Variants in NDUFA10 observed in about 807,000 individuals in gnomAD.
NDUFA10 encodes NADH:ubiquinone oxidoreductase subunit A10, also known as NADH dehydrogenase [ubiquinone] 1 alpha subcomplex subunit 10, mitochondrial.
Under a neutral mutation model 47.8 loss-of-function variants are expected in NDUFA10, and 40 were observed. The ratio of observed to expected loss-of-function variants is 0.84; its 90% CI spans 0.65 to 1.09. The LOEUF (loss-of-function observed/expected upper bound fraction) is 1.09. Among genes scored for constraint, NDUFA10 ranks in the 50% least tolerant of loss-of-function variants. NDUFA10 has a pLI of 0.00. For synonymous variants in NDUFA10, 183 were observed against 172.2 expected, an observed-to-expected ratio of 1.06 and a Z score of -0.49; for missense variants, 413 against 451.1, an observed-to-expected ratio of 0.92 and a Z score of 0.76.
At chr2:239,930,626 C>G (rs34026189) in intron 4 of NDUFA10, among the ~76,000 whole-genome samples, 20,112 of 151,922 alleles carry the variant, frequency 0.13, 1,408 homozygotes, top group South Asian at 0.15. Context: ...GTGGTGAGCA[C>G]CAGGAAGGAA....
chr2:239,949,130 G>A (rs1372691300), intron 4 of NDUFA10, among the ~76,000 whole-genome samples: 2 of 152,148 alleles, frequency 1.3e-5, no homozygotes. Flanking sequence ...GGATAGTGTC[G>A]GGATTTTAAG....
At position 240,017,717 on chromosome 2, in the gene NDUFA10, G is replaced by A. The variant is rs1292385404; in HGVS notation, c.547+836C>T. ...CAGCCCCTATCAGAAGCACGGGCTTGCAGTGCTCTTGCGGGCGGCAAGCTC... is the reference window on the plus strand; with the variant it reads ...CAGCCCCTATCAGAAGCACGGGCTTACAGTGCTCTTGCGGGCGGCAAGCTC... On this transcript the variant is annotated intron_variant, in intron 4 of 9. Transcript: ENST00000252711. 4 of 920,620 alleles carry A rather than the reference G, an allele frequency of 4.3e-6. No homozygotes were observed. In the Admixed American group the frequency reaches 8.1e-5, roughly 19 times the overall value. 57.0% of individuals were successfully genotyped at this position (920,620 alleles called of 1,614,324 possible).
intron 1 of NDUFA10, among the ~76,000 whole-genome samples, chr2:240,023,747 G>A (rs1296699179): frequency 6.6e-6 from 1 of 152,058 alleles, no homozygotes; most frequent in Non-Finnish European, 1.5e-5. Context: ...GATATTTTTC[G>A]ATCTTGATTT....
chr2:239,943,090 T>C (rs1477598891), intron 4 of NDUFA10: 2 of 154,450 alleles, frequency 1.3e-5, no homozygotes, highest in African/African-American at 4.8e-5. Flanking sequence ...TCTCAGGCCA[T>C]GCCCACAGGC....
In NDUFA10 at chr2:240,025,084, G is replaced by A. The variant is rs939243419; in HGVS notation, c.75+143C>T. 26 of 775,346 alleles carry A rather than the reference G, an allele frequency of 3.4e-5. No homozygotes were observed. The East Asian group carries it at 7.2e-4, about 22-fold the overall frequency. The allele number at this position is 775,346 out of a possible 1,614,324, so 48.0% of individuals were successfully genotyped here. On this transcript the variant is annotated intron_variant, in intron 1 of 9. Transcript: ENST00000252711. ...CACGACCAAAGACCAAACAATTCCG[G>A]AGGCAGGAGGGGTCCCCCAAACCCA...
intron 1 of NDUFA10, among the ~76,000 whole-genome samples, chr2:240,022,615 T>C (rs1217294533): frequency 2.6e-5 from 4 of 151,050 alleles, no homozygotes; most frequent in Non-Finnish European, 5.9e-5. Flanking sequence ...ATGTTTACTA[T>C]GTTCAATAAA....
At position 239,920,220 on chromosome 2, in the gene NDUFA10, G is replaced by A. The variant is rs941276334; in HGVS notation, c.295-24906C>T. On this transcript the variant is annotated intron_variant, in intron 4 of 5. Transcript: ENST00000419408. The stretch of plus-strand genomic sequence containing the variant: ...CGTGTGAGGGTTCAGCAGGAAGGTG[G>A]GGAGAGGGCCCTCCCCAGGAACAGA... Among the ~76,000 whole-genome samples, 3 of 152,330 alleles carry A rather than the reference G, an allele frequency of 2.0e-5. No homozygotes were observed. The East Asian group carries it at 5.8e-4, about 29-fold the overall frequency.
intron 4 of NDUFA10, among the ~76,000 whole-genome samples, chr2:239,913,332 A>G (rs1274976973): frequency 6.6e-6 from 1 of 152,172 alleles, no homozygotes; most frequent in Non-Finnish European, 1.5e-5. Context: ...TAGGCGCACC[A>G]CTTCCATCTT....
At chr2:239,919,281 T>C (rs1693927857) in intron 4 of NDUFA10, among the ~76,000 whole-genome samples, 1 of 152,156 alleles carries the variant, frequency 6.6e-6, no homozygotes, top group African/African-American at 2.4e-5. Flanking sequence ...TTTCTCCTGG[T>C]TTGTCTCATG....
At chr2:239,995,468 G>GA (rs1183205770) in intron 8 of NDUFA10, among the ~76,000 whole-genome samples, 2 of 152,114 alleles carry the variant, frequency 1.3e-5, no homozygotes, top group African/African-American at 4.8e-5. Context: ...GTACAATCAA[G>GA]ATGTTAAGGG....
At chr2:239,902,248 ATTG>A (rs1034111100) in intron 4 of NDUFA10, among the ~76,000 whole-genome samples, 2 of 152,216 alleles carry the variant, frequency 1.3e-5, no homozygotes, top group African/African-American at 4.8e-5. Flanking sequence ...AGCAAACTTC[ATTG>A]TTGTCTTATT....
At position 239,906,140 on chromosome 2, in the gene NDUFA10, G is replaced by T. The variant is rs759607402; in HGVS notation, c.295-10826C>A. On this transcript the variant is annotated intron_variant, in intron 4 of 5. Transcript: ENST00000419408. This position sits in a 1 kb window ranked among gnomAD's most constrained non-coding sequence, Gnocchi z 4.3. ...CATGACCTTCGGGGGCTCTGGGCGG[G>T]CCCTGCTCTGTGCCTAGATATTTCA... Among the ~76,000 whole-genome samples, 1 of 152,100 alleles carries T rather than the reference G, an allele frequency of 6.6e-6. No homozygotes were observed. The highest frequency in any genetic ancestry group is 1.5e-5 in the Non-Finnish European group (1 of 68,010).
At chr2:239,997,348 A>C (rs1395390539) in intron 8 of NDUFA10, among the ~76,000 whole-genome samples, 1 of 152,242 alleles carries the variant, frequency 6.6e-6, no homozygotes, top group Non-Finnish European at 1.5e-5. Flanking sequence ...GGGAAAATTC[A>C]CAAAGAGCAA....
chr2:239,922,613 G>A (rs576552197), intron 4 of NDUFA10, among the ~76,000 whole-genome samples: 12 of 152,328 alleles, frequency 7.9e-5, no homozygotes, highest in East Asian at 3.9e-4. Flanking sequence ...TACCACTGTC[G>A]TCCGTCAGGT....
chr2:240,005,796 C>A (rs933945919), intron 7 of NDUFA10, among the ~76,000 whole-genome samples: 2 of 152,166 alleles, frequency 1.3e-5, no homozygotes, highest in African/African-American at 4.8e-5. Flanking sequence ...ATGGCCTTGC[C>A]TAGCTAACAC....
rs780552550 is a variant in NDUFA10, at chr2:239,990,139, T to C, written c.934A>G (p.Ile312Val). The change falls in exon 9 of 10, where the codon ATC becomes GTC. Residue 312 changes from isoleucine to valine, a missense_variant. Ile to Val is a conservative substitution (Grantham distance 29). Transcript: ENST00000252711. ...FEVLNYTSIP[I>V]FLPEVTIGAH... is the part of the protein sequence containing the mutation. The stretch of plus-strand genomic sequence containing the variant: ...CCAATGGTGACTTCCGGGAGAAAGA[T>C]AGGAATGCTTGTGTAATTCAGCACC... 3.1e-6 allele frequency: 5 copies of C among 1,613,990 alleles called. No homozygotes were observed. The South Asian group carries it at 3.3e-5, about 11-fold the overall frequency.
intron 7 of NDUFA10, 148 bp from the exon 8 acceptor site, chr2:240,005,443 G>T: frequency 1.5e-6 from 1 of 686,100 alleles, no homozygotes. Context: ...TGGCCTGCTG[G>T]GCTCAAGCAA....
At chr2:239,999,863 C>T (rs1470144938) in intron 8 of NDUFA10, among the ~76,000 whole-genome samples, 1 of 152,210 alleles carries the variant, frequency 6.6e-6, no homozygotes, top group Non-Finnish European at 1.5e-5. Context: ...TGACAGGTTC[C>T]TGCCGGTTTC....
intron 9 of NDUFA10, chr2:239,973,671 T>C (rs543473125): frequency 1.3e-5 from 6 of 458,006 alleles, no homozygotes; most frequent in East Asian, 7.0e-5. Context: ...ACTGGTAAAA[T>C]AGAAACCAAA....
Sources: allele counts gnomAD v4.1 joint callset (sites outside exome capture counted in the v4.1 genomes callset), GRCh38; gene constraint gnomAD v4.1.1; non-coding constraint Gnocchi (gnomAD v3.1); transcripts MANE v1.5; gene names NCBI Gene and HGNC (gene_info 2026-07-23, HGNC 2026-07-21).